SORCS1: variants seen among roughly 807,000 people sequenced by gnomAD.
The protein encoded by SORCS1 is sortilin related VPS10 domain containing receptor 1, also known as VPS10 domain-containing receptor SorCS1.
SORCS1 carries 60 observed loss-of-function variants against 146.1 expected under a neutral mutation model. The ratio of observed to expected loss-of-function variants is 0.41; its 90% CI spans 0.33 to 0.51. The LOEUF is 0.51. Among genes scored for constraint, SORCS1 ranks in the 20% least tolerant of loss-of-function variants. SORCS1 has a pLI of 0.21. For synonymous variants in SORCS1, 637 were observed against 584.0 expected (o/e 1.09, Z -1.31); for missense variants, 1,352 against 1,487.6 (o/e 0.91, Z 1.50).
chr10:106,732,345 A>T (rs1013040189), intron 5 of SORCS1, among the ~76,000 whole-genome samples: 6 of 152,168 alleles, frequency 3.9e-5, no homozygotes, highest in African/African-American at 1.4e-4. Context: ...TCAGTTAAGT[A>T]CTGCAGCGAC....
At chr10:107,040,385 C>T (rs1198430425) in intron 1 of SORCS1, among the ~76,000 whole-genome samples, 4 of 152,098 alleles carry the variant, frequency 2.6e-5, no homozygotes, top group African/African-American at 9.7e-5. Flanking sequence ...ATAATAACTG[C>T]AGAAATACTA....
At chr10:106,997,740 A>AAAC (rs1332156987) in intron 1 of SORCS1, among the ~76,000 whole-genome samples, 1 of 152,192 alleles carries the variant, frequency 6.6e-6, no homozygotes, top group Admixed American at 6.5e-5. Context: ...TTTTGCAGAA[A>AAAC]AACAACAACA....
At chr10:106,914,355 G>A (rs1952309636) in intron 2 of SORCS1, among the ~76,000 whole-genome samples, 1 of 152,040 alleles carries the variant, frequency 6.6e-6, no homozygotes, top group African/African-American at 2.4e-5. Flanking sequence ...AGCTATTCTG[G>A]ATTTCCGGGG....
At chr10:106,593,615 G>A (rs186657895) in intron 24 of SORCS1, among the ~76,000 whole-genome samples, 1 of 152,262 alleles carries the variant, frequency 6.6e-6, no homozygotes, top group Admixed American at 6.5e-5. Context: ...AACTAGCCAT[G>A]ACAGAAAACT....
intron 16 of SORCS1, among the ~76,000 whole-genome samples, chr10:106,670,733 C>T (rs1018447414): frequency 4.7e-5 from 7 of 148,418 alleles, no homozygotes; most frequent in Admixed American, 1.3e-4. Flanking sequence ...CTCACTCTGA[C>T]GCCATGCTGG....
At chr10:106,635,573 G>A (rs1248237244) in intron 18 of SORCS1, among the ~76,000 whole-genome samples, 1 of 152,120 alleles carries the variant, frequency 6.6e-6, no homozygotes, top group African/African-American at 2.4e-5. Flanking sequence ...AAAGAAAGGA[G>A]GAGTGAATGA....
intron 1 of SORCS1, among the ~76,000 whole-genome samples, chr10:107,096,635 C>T (rs1016522484): frequency 2.6e-5 from 4 of 152,180 alleles, no homozygotes; most frequent in Admixed American, 2.6e-4. Context: ...CCTCAGCCTC[C>T]TGAGTAGCTG....
In SORCS1 at chr10:106,935,506, A is replaced by T. The variant is rs549298357; in HGVS notation, c.626+21007T>A. ...ATGAGTTATAATGGATACATTTTTT[A>T]AAAAAAATTCCTAGAAGAAATAGGA... is the stretch of plus-strand genomic sequence containing the variant. On this transcript the variant is annotated intron_variant, in intron 2 of 25. Coordinates refer to ENST00000263054, the MANE Select transcript of SORCS1 (RefSeq NM_052918.5). Among the ~76,000 whole-genome samples, 10 of 152,176 alleles carry T rather than the reference A, an allele frequency of 6.6e-5. No homozygotes were observed. The East Asian group carries it at 7.7e-4, about 12-fold the overall frequency.
At chr10:107,101,656 C>T (rs924080929) in intron 1 of SORCS1, among the ~76,000 whole-genome samples, 18 of 151,914 alleles carry the variant, frequency 1.2e-4, no homozygotes, top group Non-Finnish European at 1.9e-4. Flanking sequence ...ACCAATGCAC[C>T]GGGGTTGAAT....
intron 2 of SORCS1, among the ~76,000 whole-genome samples, chr10:106,894,299 GT>G (rs1951374852): frequency 6.7e-6 from 1 of 149,918 alleles, no homozygotes. Context: ...GTGTGTGTGT[GT>G]GTGTGTGTAG....
intron 24 of SORCS1, 65 bp from the exon 25 acceptor site, chr10:106,579,539 G>T: frequency 2.0e-6 from 3 of 1,494,520 alleles, no homozygotes; most frequent in Non-Finnish European, 2.8e-6. Flanking sequence ...TCTATGAGAG[G>T]CTCAAATGTT....
At chr10:107,157,610 A>T (rs566425123) in intron 1 of SORCS1, among the ~76,000 whole-genome samples, 81 of 152,348 alleles carry the variant, frequency 5.3e-4, no homozygotes, top group Middle Eastern at 3.4e-3. Flanking sequence ...AATATCTTTC[A>T]TATGTGTGTA....
At chr10:106,671,922 C>T (rs1045267060) in intron 15 of SORCS1, among the ~76,000 whole-genome samples, 1 of 152,188 alleles carries the variant, frequency 6.6e-6, no homozygotes, top group African/African-American at 2.4e-5. Context: ...CTTTGAATAT[C>T]ACAATGCTTG....
upstream of SORCS1, among the ~76,000 whole-genome samples, chr10:107,168,079 C>G (rs1180032630): frequency 1.3e-5 from 2 of 152,188 alleles, no homozygotes; most frequent in Non-Finnish European, 2.9e-5. Context: ...ACTCACTTCT[C>G]CATCACATTT....
intron 2 of SORCS1, among the ~76,000 whole-genome samples, chr10:106,899,537 C>T (rs1013977461): frequency 6.6e-6 from 1 of 150,898 alleles, no homozygotes; most frequent in African/African-American, 2.4e-5. Context: ...ATCTCACTTA[C>T]TTCCTTTTCA....
intron 1 of SORCS1, among the ~76,000 whole-genome samples, chr10:106,989,452 T>C (rs12414989): frequency 6.6e-6 from 1 of 151,944 alleles, no homozygotes; most frequent in Non-Finnish European, 1.5e-5. Context: ...AAGCATGATC[T>C]GTTCCTTGTT....
Position 106,955,010 on chromosome 10 carries a change from C to T in SORCS1, c.626+1503G>A, listed in dbSNP as rs184439296. On this transcript the variant is annotated intron_variant, in intron 2 of 25. Coordinates refer to ENST00000263054, the MANE Select transcript of SORCS1 (RefSeq NM_052918.5). Reference sequence around the variant, plus strand: ...GGCGCCAGGCAGCTGCCCCACACAACGGGAAGTAGCAGTGGCGCTGGGCCA... The same window carrying T: ...GGCGCCAGGCAGCTGCCCCACACAATGGGAAGTAGCAGTGGCGCTGGGCCA... Among the ~76,000 whole-genome samples the T allele has an allele frequency of 2.9e-4, 44 of 152,348 alleles. 1 individual carries two copies. The highest frequency in any genetic ancestry group is 1.0e-3 in the African/African-American group (43 of 41,586).
chr10:106,825,475 T>A (rs1463801754), intron 3 of SORCS1, among the ~76,000 whole-genome samples: 1 of 152,134 alleles, frequency 6.6e-6, no homozygotes, highest in East Asian at 1.9e-4. Flanking sequence ...GGTTTCACCA[T>A]GTTAGCCAGG....
At chr10:107,075,993 C>T (rs1962849820) in intron 1 of SORCS1, among the ~76,000 whole-genome samples, 1 of 151,714 alleles carries the variant, frequency 6.6e-6, no homozygotes, top group Admixed American at 6.6e-5. Flanking sequence ...AAAAGGGTGA[C>T]ACCAAAAAAA....
Sources: gnomAD v4.1 joint callset for allele counts (sites outside exome capture counted in the v4.1 genomes callset) on GRCh38, gnomAD v4.1.1 for gene constraint, MANE v1.5 for transcripts, NCBI Gene and HGNC (gene_info 2026-07-23, HGNC 2026-07-21) for gene names.